Variants in FGF14 observed in about 807,000 individuals in gnomAD.
FGF14 encodes the protein fibroblast growth factor 14.
In FGF14, 5 loss-of-function variants were observed where a neutral mutation model predicts 25.5. That is an observed-to-expected ratio of 0.20 (90% CI 0.10 to 0.41). The LOEUF is 0.41. Ranked by LOEUF, FGF14 falls within the 10% of genes least tolerant of loss-of-function variation. The probability of loss-of-function intolerance (pLI) is 1.00; values close to 1 mark genes in which losing one functional copy is unlikely to be tolerated. For missense variants in FGF14, 222 were observed against 320.1 expected, an observed-to-expected ratio of 0.69 and a Z score of 2.34; for synonymous variants, 138 against 118.3, an observed-to-expected ratio of 1.17 and a Z score of -1.08.
intron 1 of FGF14, among the ~76,000 whole-genome samples, chr13:101,980,389 TGA>T (rs1403194379): frequency 6.6e-6 from 1 of 151,736 alleles, no homozygotes; most frequent in Non-Finnish European, 1.5e-5. Context: ...TTTTCGATTA[TGA>T]GAGTGTTTTT....
At chr13:101,857,059 C>G (rs1247026136) in intron 3 of FGF14, among the ~76,000 whole-genome samples, 1 of 151,974 alleles carries the variant, frequency 6.6e-6, no homozygotes, top group Non-Finnish European at 1.5e-5. Flanking sequence ...AGGGCACACA[C>G]AGTTAATTTA....
Position 102,168,227 on chromosome 13 carries a change from T to C in FGF14, c.208+233244A>G, listed in dbSNP as rs192047389. Among the ~76,000 whole-genome samples, 12 of 152,224 alleles carry C rather than the reference T, an allele frequency of 7.9e-5. No individual in the cohort carries two copies. The East Asian group carries it at 2.3e-3, about 29-fold the overall frequency. On this transcript the variant is annotated intron_variant, in intron 1 of 4. Transcript: ENST00000376131. ...GACAGTGTAAACATTTCCTGAAGAATGAAGAAAAAGGTGCGTATGATGGGG... is the reference window on the plus strand; with the variant it reads ...GACAGTGTAAACATTTCCTGAAGAACGAAGAAAAAGGTGCGTATGATGGGG...
At chr13:101,973,174 T>C (rs1436518052) in intron 1 of FGF14, among the ~76,000 whole-genome samples, 1 of 151,328 alleles carries the variant, frequency 6.6e-6, no homozygotes, top group Admixed American at 6.6e-5. Context: ...TGAGAATGCA[T>C]TGAACCAGCT....
Position 102,062,388 on chromosome 13 carries a change from A to C in FGF14, c.209-187092T>G, listed in dbSNP as rs536940837. ...GAAAAAAATAAAATAAGCCTAACCA[A>C]AAAGAATATTTAATAAATATAGCAG... On this transcript the variant is annotated intron_variant, in intron 1 of 4. Transcript: ENST00000376131. 4.6e-5 allele frequency among the ~76,000 whole-genome samples: 7 copies of C among 152,244 alleles called. No individual in the cohort carries two copies. In the East Asian group the frequency reaches 9.7e-4, roughly 21 times the overall value.
chr13:102,229,297 G>A (rs969774454), intron 1 of FGF14, among the ~76,000 whole-genome samples: 1 of 152,122 alleles, frequency 6.6e-6, no homozygotes, highest in African/African-American at 2.4e-5. Flanking sequence ...TGTTTACTTA[G>A]TACTTAAGAC....
intron 1 of FGF14, among the ~76,000 whole-genome samples, chr13:101,946,363 CAAAAAAAAA>C (rs59866034): frequency 2.2e-5 from 2 of 91,950 alleles, no homozygotes; most frequent in Non-Finnish European, 4.7e-5. Context: ...GCTTCTCCAT[CAAAAAAAAA>C]AAAAAAAAAA....
intron 1 of FGF14, among the ~76,000 whole-genome samples, chr13:101,898,375 C>CAT (rs2031035536): frequency 6.6e-6 from 1 of 151,482 alleles, no homozygotes; most frequent in Non-Finnish European, 1.5e-5. Context: ...CACACACACA[C>CAT]ATATCCCCAG....
chr13:101,879,176 C>A (rs1022801932), intron 1 of FGF14, among the ~76,000 whole-genome samples: 1 of 152,172 alleles, frequency 6.6e-6, no homozygotes, highest in Non-Finnish European at 1.5e-5. Context: ...AACTTAGAAT[C>A]TCTTCTTTGC....
At chr13:102,315,247 A>T (rs531362253) in intron 1 of FGF14, among the ~76,000 whole-genome samples, 4 of 152,264 alleles carry the variant, frequency 2.6e-5, no homozygotes, top group South Asian at 2.1e-4. Context: ...TGTAAAGGGG[A>T]TCTTTTTGAA....
intron 3 of FGF14, among the ~76,000 whole-genome samples, chr13:101,781,554 T>C (rs1314678244): frequency 6.6e-6 from 1 of 152,226 alleles, no homozygotes; most frequent in Non-Finnish European, 1.5e-5. Flanking sequence ...TTTAACTGTA[T>C]TATCTCATTT....
intron 1 of FGF14, among the ~76,000 whole-genome samples, chr13:102,101,310 T>C (rs558149511): frequency 4.4e-4 from 67 of 152,294 alleles, no homozygotes; most frequent in African/African-American, 1.4e-3. Context: ...TTTCATAAAT[T>C]TAACTATTTA....
At chr13:101,845,383 C>G (rs142806311) in intron 3 of FGF14, among the ~76,000 whole-genome samples, 1 of 151,924 alleles carries the variant, frequency 6.6e-6, no homozygotes, top group African/African-American at 2.4e-5. Flanking sequence ...ATTATAACAG[C>G]TGGGTAGGGA....
At position 101,722,334 on chromosome 13, in the gene FGF14, C is replaced by CACAG. The variant is rs546197127; in HGVS notation, c.*493_*496dup. The CACAG allele has an allele frequency of 3.5e-5, 7 of 198,394 alleles. No individual in the cohort carries two copies. Among genetic ancestry groups the CACAG allele is most frequent in the East Asian group, 1.3e-4 (1 of 7,718 alleles). The allele number at this position is 198,394 out of a possible 1,614,324, so 12.3% of individuals were successfully genotyped here. A position where few individuals can be genotyped will look rare whatever the true frequency, so the allele number is the denominator to read the frequency against. Reference sequence around the variant, plus strand: ...GAGGAACAAAATCCCTGCAAAAGGTCACAGACAGTGGAGCGAGCAGCCCTG... The same window carrying CACAG: ...GAGGAACAAAATCCCTGCAAAAGGTCACAGACAGACAGTGGAGCGAGCAGCCCTG... On this transcript the variant is annotated 3_prime_UTR_variant, in exon 5 of 5. Coordinates refer to ENST00000376143, the MANE Select transcript of FGF14 (RefSeq NM_004115.4).
chr13:101,797,715 A>G (rs1398096860), intron 3 of FGF14, among the ~76,000 whole-genome samples: 1 of 144,984 alleles, frequency 6.9e-6, no homozygotes, highest in African/African-American at 2.5e-5. Context: ...GGCACTAACT[A>G]AAGAGAATGT....
chr13:102,215,892 C>T (rs532381119), intron 1 of FGF14, among the ~76,000 whole-genome samples: 4 of 152,238 alleles, frequency 2.6e-5, no homozygotes, highest in Non-Finnish European at 4.4e-5. Flanking sequence ...TGATGAGTAG[C>T]GGTTGACTTT....
intron 1 of FGF14, among the ~76,000 whole-genome samples, chr13:102,317,290 C>T (rs527821771): frequency 3.3e-4 from 50 of 152,070 alleles, no homozygotes; most frequent in African/African-American, 1.2e-3. Flanking sequence ...TTTGCAAGAT[C>T]GATTCAGTAA....
At chr13:101,896,891 T>C (rs1380605280) in intron 1 of FGF14, among the ~76,000 whole-genome samples, 1 of 152,154 alleles carries the variant, frequency 6.6e-6, no homozygotes, top group Non-Finnish European at 1.5e-5. Context: ...TTGGGGTAAC[T>C]TTATCTATAA....
At chr13:102,372,613 C>T (rs1325575889) in intron 1 of FGF14, among the ~76,000 whole-genome samples, 3 of 152,008 alleles carry the variant, frequency 2.0e-5, no homozygotes, top group Non-Finnish European at 4.4e-5. Context: ...GGACTTCCAA[C>T]AGGAAACTCA....
intron 1 of FGF14, among the ~76,000 whole-genome samples, chr13:102,221,184 C>G (rs1163164263): frequency 1.3e-5 from 2 of 152,042 alleles, no homozygotes; most frequent in Non-Finnish European, 2.9e-5. Flanking sequence ...ACAAACATAT[C>G]TATGTGATTT....
Sources: allele counts gnomAD v4.1 joint callset (sites outside exome capture counted in the v4.1 genomes callset), GRCh38; gene constraint gnomAD v4.1.1; transcripts MANE v1.5; gene names NCBI Gene and HGNC (gene_info 2026-07-23, HGNC 2026-07-21).